The following PCDHA9 variants were observed in gnomAD, a reference collection of about 807,000 sequenced individuals.
PCDHA9 encodes the protein protocadherin alpha 9.
A neutral mutation model predicts 62.0 loss-of-function variants in PCDHA9; 62 were observed. That is an observed-to-expected ratio of 1.00 (90% CI 0.81 to 1.23). PCDHA9 has a LOEUF of 1.23. Ranked by LOEUF, PCDHA9 falls within the 50% of genes most tolerant of loss-of-function variation. PCDHA9 has a pLI of 0.00. For missense variants in PCDHA9, 1,205 were observed against 1,249.8 expected, an observed-to-expected ratio of 0.96 and a Z score of 0.54; for synonymous variants, 557 against 567.6, an observed-to-expected ratio of 0.98 and a Z score of 0.27.
chr5:140,883,530 A>G, intron 1 of PCDHA9: 1 of 1,614,156 alleles, frequency 6.2e-7, no homozygotes. Flanking sequence ...GTATCAGCCT[A>G]TGAACTGGTG....
At chr5:140,984,371 C>T (rs2097099528) in intron 3 of PCDHA9, among the ~76,000 whole-genome samples, 1 of 152,150 alleles carries the variant, frequency 6.6e-6, no homozygotes, top group African/African-American at 2.4e-5. Flanking sequence ...TGGCCAAGTC[C>T]CTCTTTCAGA....
At chr5:140,878,110 A>T in intron 1 of PCDHA9, 1 of 249,264 alleles carries the variant, frequency 4.0e-6, no homozygotes, top group South Asian at 1.2e-4. Context: ...CTTGAAAAAA[A>T]CAGTATATTA....
Position 140,895,899 on chromosome 5 carries a change from C to T in PCDHA9, c.2394+45010C>T, listed in dbSNP as rs181661173. Among the ~76,000 whole-genome samples, 21 of 152,308 alleles carry T rather than the reference C, an allele frequency of 1.4e-4. No homozygotes were observed. The East Asian group carries it at 2.5e-3, about 18-fold the overall frequency. ...CGATCTCGGCTCACTGCAACCTCCGCGTCCCGGGCTCAACAATTATCCTGC... is the reference window on the plus strand; with the variant it reads ...CGATCTCGGCTCACTGCAACCTCCGTGTCCCGGGCTCAACAATTATCCTGC... On this transcript the variant is annotated intron_variant, in intron 1 of 3. Transcript: ENST00000532602.
chr5:140,946,875 G>T (rs1283632599), intron 1 of PCDHA9, among the ~76,000 whole-genome samples: 1 of 151,288 alleles, frequency 6.6e-6, no homozygotes, highest in Non-Finnish European at 1.5e-5. Flanking sequence ...TGGTCAATGG[G>T]TACGAAGTTA....
intron 1 of PCDHA9, among the ~76,000 whole-genome samples, chr5:140,855,699 C>A (rs901621120): frequency 6.7e-6 from 1 of 149,362 alleles, no homozygotes; most frequent in Non-Finnish European, 1.5e-5. Context: ...AAACATTGCA[C>A]GTGGGATCAA....
chr5:140,959,073 G>A (rs775479268), intron 1 of PCDHA9, among the ~76,000 whole-genome samples: 2 of 152,094 alleles, frequency 1.3e-5, no homozygotes, highest in Non-Finnish European at 2.9e-5. Flanking sequence ...ATAGAATTCA[G>A]TATTATCCTT....
chr5:141,003,608 C>T (rs951443168), intron 3 of PCDHA9, among the ~76,000 whole-genome samples: 3 of 152,136 alleles, frequency 2.0e-5, no homozygotes, highest in East Asian at 1.9e-4. Flanking sequence ...CCACCATTCC[C>T]GGCCCCAGAG....
At chr5:140,869,037 C>G (rs547872988) in intron 1 of PCDHA9, 1 of 1,528,286 alleles carries the variant, frequency 6.5e-7, no homozygotes, top group African/African-American at 1.4e-5. Context: ...AGATTTTTAA[C>G]CTGAAACTGA....
chr5:140,869,998 G>A (rs782322898), intron 1 of PCDHA9: 1 of 1,613,436 alleles, frequency 6.2e-7, no homozygotes. Context: ...TCAAAATAAT[G>A]GAGAAGTGAG....
intron 1 of PCDHA9, among the ~76,000 whole-genome samples, chr5:140,925,502 C>G (rs978472276): frequency 6.6e-6 from 1 of 151,912 alleles, no homozygotes; most frequent in Admixed American, 6.6e-5. Context: ...GTCCCAATAT[C>G]CACGCAAAAG....
At chr5:140,857,673 C>T (rs372854727) in intron 1 of PCDHA9, 3 of 1,596,826 alleles carry the variant, frequency 1.9e-6, no homozygotes, top group Non-Finnish European at 2.6e-6. Context: ...GGGGGCGTGC[C>T]GCCTCTGGGC....
chr5:140,883,259 G>A (rs573584031), intron 1 of PCDHA9: 1 of 1,614,000 alleles, frequency 6.2e-7, no homozygotes, highest in East Asian at 2.2e-5. Flanking sequence ...TATTCCAATG[G>A]CGGGTCATTG....
Position 140,848,775 on chromosome 5 carries a change from G to A in PCDHA9, c.280G>A (p.Glu94Lys). 6.3e-7 allele frequency: 1 copy of A among 1,593,566 alleles called. No homozygotes were observed. The highest frequency in any genetic ancestry group is 8.6e-7 in the Non-Finnish European group (1 of 1,164,198). ...TGTGAATTCTCGGATCGACCGCGAG[G>A]AGCTGTGCGGGCGGAGCGCGGAGTG... The part of the protein sequence containing the change: ...LFVNSRIDRE[E>K]LCGRSAECSI... Residue 94 changes from glutamate (E) to lysine (K), a missense_variant, in exon 1 of 4, where the codon GAG becomes AAG. Transcript: ENST00000532602.
At chr5:141,008,159 G>A (rs1352277469) in intron 3 of PCDHA9, among the ~76,000 whole-genome samples, 1 of 152,138 alleles carries the variant, frequency 6.6e-6, no homozygotes, top group East Asian at 1.9e-4. Flanking sequence ...TTGATAAGAT[G>A]AGGACTAAAA....
At chr5:140,943,974 T>G (rs1356208474) in intron 1 of PCDHA9, among the ~76,000 whole-genome samples, 2 of 152,022 alleles carry the variant, frequency 1.3e-5, no homozygotes, top group African/African-American at 4.8e-5. Flanking sequence ...TTAAAGTAAT[T>G]AAGAAAACAG....
intron 1 of PCDHA9, among the ~76,000 whole-genome samples, chr5:140,948,548 A>G (rs1300192349): frequency 6.6e-6 from 1 of 151,532 alleles, no homozygotes; most frequent in Non-Finnish European, 1.5e-5. Flanking sequence ...TGCTCTGTCA[A>G]TTTTGTTAAG....
chr5:140,890,068 T>C (rs1353953909), intron 1 of PCDHA9, among the ~76,000 whole-genome samples: 2 of 152,196 alleles, frequency 1.3e-5, no homozygotes, highest in African/African-American at 4.8e-5. Flanking sequence ...TTTACTGGCT[T>C]ATGAGAACTG....
chr5:140,857,220 A>C (rs1554149674), intron 1 of PCDHA9: 1 of 1,598,480 alleles, frequency 6.3e-7, no homozygotes, highest in Admixed American at 1.7e-5. Flanking sequence ...CTGACGCCTC[A>C]CGTTCCGTTC....
chr5:140,929,522 T>G, intron 1 of PCDHA9: 1 of 727,900 alleles, frequency 1.4e-6, no homozygotes. Context: ...GACTTATAGT[T>G]TATTTTTGAG....
Sources: allele counts gnomAD v4.1 joint callset (sites outside exome capture counted in the v4.1 genomes callset), GRCh38; gene constraint gnomAD v4.1.1; transcripts MANE v1.5; gene names NCBI Gene and HGNC (gene_info 2026-07-23, HGNC 2026-07-21).